Variants in CAMK1D observed in about 807,000 individuals in gnomAD.
CAMK1D encodes calcium/calmodulin dependent protein kinase ID.
In CAMK1D, 9 loss-of-function variants were observed where a neutral mutation model predicts 47.7. The observed-to-expected ratio is 0.19, with a 90% CI of 0.11 to 0.33. The LOEUF is 0.33. Ranked by LOEUF, CAMK1D falls within the 10% of genes least tolerant of loss-of-function variation. The pLI, the probability that CAMK1D is intolerant of heterozygous loss-of-function variation, is 1.00. For synonymous variants in CAMK1D, 184 were observed against 184.9 expected, an observed-to-expected ratio of 0.99 and a Z score of 0.04; for missense variants, 291 against 488.7, an observed-to-expected ratio of 0.60 and a Z score of 3.81.
intron 2 of CAMK1D, among the ~76,000 whole-genome samples, chr10:12,603,201 T>G (rs985685323): frequency 1.3e-5 from 2 of 152,036 alleles, no homozygotes; most frequent in Non-Finnish European, 2.9e-5. Flanking sequence ...GCGCCTGGCC[T>G]CTAACTGCTT....
intron 6 of CAMK1D, among the ~76,000 whole-genome samples, 162 bp from the exon 7 acceptor site, chr10:12,814,033 C>A (rs181132131): frequency 4.6e-5 from 7 of 151,370 alleles, no homozygotes; most frequent in African/African-American, 1.7e-4. Context: ...AAGTGATCTG[C>A]CCGCCTTGGC....
intron 3 of CAMK1D, among the ~76,000 whole-genome samples, chr10:12,706,011 G>GTGCAGTAGTCCTGCTTTATC (rs1254203795): frequency 6.6e-6 from 1 of 152,194 alleles, no homozygotes; most frequent in African/African-American, 2.4e-5. Context: ...GATAATTACA[G>GTGCAGTAGTCCTGCTTTATC]TGCAGTAGTC....
At chr10:12,728,335 T>C (rs1834747658) in intron 3 of CAMK1D, among the ~76,000 whole-genome samples, 1 of 152,246 alleles carries the variant, frequency 6.6e-6, no homozygotes, top group African/African-American at 2.4e-5. Flanking sequence ...TGAGCCTTCT[T>C]GGCTGCGTGG....
intron 1 of CAMK1D, among the ~76,000 whole-genome samples, chr10:12,472,205 G>C (rs996119117): frequency 6.6e-6 from 1 of 152,132 alleles, no homozygotes; most frequent in Non-Finnish European, 1.5e-5. Flanking sequence ...CTGAGACACA[G>C]CGATGCTCTG....
intron 1 of CAMK1D, among the ~76,000 whole-genome samples, chr10:12,360,019 G>GA (rs1837614411): frequency 6.6e-6 from 1 of 152,132 alleles, no homozygotes; most frequent in Non-Finnish European, 1.5e-5. Flanking sequence ...TTCTCCTCTT[G>GA]ACCTGTCCAT....
chr10:12,502,938 G>A (rs116866085), intron 1 of CAMK1D, among the ~76,000 whole-genome samples: 1,942 of 152,332 alleles, frequency 0.013, 20 homozygotes, highest in Non-Finnish European at 0.02. Context: ...CAATGGTGGC[G>A]TCTCCACGTT....
intron 1 of CAMK1D, among the ~76,000 whole-genome samples, chr10:12,535,268 G>C (rs1245185575): frequency 1.3e-5 from 2 of 152,190 alleles, no homozygotes; most frequent in Non-Finnish European, 2.9e-5. Context: ...GCTAACGCCA[G>C]CTGTGGCTCC....
At chr10:12,643,859 G>A (rs1301274093) in intron 2 of CAMK1D, among the ~76,000 whole-genome samples, 8 of 150,714 alleles carry the variant, frequency 5.3e-5, no homozygotes, top group African/African-American at 2.0e-4. Context: ...ACTCCAGCCC[G>A]GGCGACAGAG....
chr10:12,828,068 T>C (rs1833320571), intron 10 of CAMK1D, among the ~76,000 whole-genome samples: 1 of 152,230 alleles, frequency 6.6e-6, no homozygotes. Flanking sequence ...TCATTCTTTA[T>C]TCCTTCTTAA....
At chr10:12,826,646 C>T (rs1310119591) in intron 10 of CAMK1D, among the ~76,000 whole-genome samples, 1 of 152,156 alleles carries the variant, frequency 6.6e-6, no homozygotes, top group Non-Finnish European at 1.5e-5. Context: ...CCTGGTCTCA[C>T]CCTGGGCATC....
rs1477379392 is a variant in CAMK1D, at chr10:12,694,347, CAT to C, written c.299+27544_299+27545del. ...TATATAAAGTATATATAATATATAA[CAT>C]ATATATGTTATATGTTATATATAAA... On this transcript the variant is annotated intron_variant, in intron 3 of 10. Coordinates refer to ENST00000619168, the MANE Select transcript of CAMK1D (RefSeq NM_153498.4). Among the ~76,000 whole-genome samples the C allele has an allele frequency of 1.1e-3, 59 of 52,130 alleles. 6 individuals are homozygous for C. The Admixed American group carries it at 0.012, about 11-fold the overall frequency. The allele number at this position is 52,130 out of a possible 152,430, so 34.2% of individuals were successfully genotyped here.
At chr10:12,751,525 G>A (rs543968288) in intron 3 of CAMK1D, among the ~76,000 whole-genome samples, 6 of 152,326 alleles carry the variant, frequency 3.9e-5, no homozygotes, top group African/African-American at 1.2e-4. Flanking sequence ...CCCTGCCTTC[G>A]TGGAGTTCAC....
chr10:12,707,891 T>C (rs1439257902), intron 3 of CAMK1D, among the ~76,000 whole-genome samples: 1 of 152,088 alleles, frequency 6.6e-6, no homozygotes, highest in Non-Finnish European at 1.5e-5. Context: ...GTTGGGAGGA[T>C]TTATAAGGAT....
intron 1 of CAMK1D, among the ~76,000 whole-genome samples, chr10:12,492,075 G>A (rs746214343): frequency 3.9e-5 from 6 of 152,196 alleles, no homozygotes; most frequent in African/African-American, 7.2e-5. Flanking sequence ...GTGAGCCATC[G>A]TGCCTGGCCT....
intron 3 of CAMK1D, among the ~76,000 whole-genome samples, chr10:12,691,417 A>T (rs1180733614): frequency 0.033 from 81 of 2,420 alleles, 7 homozygotes; most frequent in South Asian, 0.22. Context: ...ATATATATAT[A>T]TATATTTTTT....
At chr10:12,729,862 G>C (rs1466516920) in intron 3 of CAMK1D, among the ~76,000 whole-genome samples, 2 of 152,084 alleles carry the variant, frequency 1.3e-5, no homozygotes, top group Non-Finnish European at 2.9e-5. Flanking sequence ...CGGAAGGCTG[G>C]TGCAGCTAAT....
chr10:12,439,010 C>T (rs1254774325), intron 1 of CAMK1D, among the ~76,000 whole-genome samples: 2 of 152,130 alleles, frequency 1.3e-5, no homozygotes, highest in African/African-American at 4.8e-5. Context: ...AGGCTCTTTC[C>T]TGTCTCTTCC....
At chr10:12,374,350 G>A (rs1353733869) in intron 1 of CAMK1D, among the ~76,000 whole-genome samples, 1 of 151,854 alleles carries the variant, frequency 6.6e-6, no homozygotes, top group Non-Finnish European at 1.5e-5. Context: ...TTACAGTAAT[G>A]GTTAGGAGAG....
intron 1 of CAMK1D, among the ~76,000 whole-genome samples, chr10:12,548,390 T>A (rs1224989600): frequency 6.6e-6 from 1 of 152,152 alleles, no homozygotes; most frequent in Non-Finnish European, 1.5e-5. Flanking sequence ...GCAGACTTTT[T>A]ATGTTTATCT....
Sources: gnomAD v4.1 joint callset for allele counts (sites outside exome capture counted in the v4.1 genomes callset) on GRCh38, gnomAD v4.1.1 for gene constraint, MANE v1.5 for transcripts, NCBI Gene and HGNC (gene_info 2026-07-23, HGNC 2026-07-21) for gene names.